Variants in NEU4 observed in about 807,000 individuals in gnomAD.
NEU4 encodes neuraminidase 4.
NEU4 carries 7 observed loss-of-function variants against 9.9 expected under a neutral mutation model. The ratio of observed to expected loss-of-function variants is 0.71; its 90% CI spans 0.40 to 1.33. The LOEUF is 1.33. Ranked by LOEUF, NEU4 falls within the 40% of genes most tolerant of loss-of-function variation. The probability of loss-of-function intolerance (pLI) is 0.01; values close to 1 mark genes in which losing one functional copy is unlikely to be tolerated. For synonymous variants in NEU4, 348 were observed against 316.9 expected (o/e 1.10, Z -1.04); for missense variants, 717 against 712.6 (o/e 1.01, Z -0.07).
intron 1 of NEU4, chr2:241,811,197 C>A: frequency 1.1e-5 from 13 of 1,234,986 alleles, no homozygotes; most frequent in Non-Finnish European, 1.2e-5. Context: ...TCCTCAGCAC[C>A]CCAGTGTTGA....
rs1251409144 is a variant in NEU4, at chr2:241,817,136, G to A, written c.*88G>A. On this transcript the variant is annotated 3_prime_UTR_variant, in exon 4 of 4. Coordinates refer to ENST00000407683, the MANE Select transcript of NEU4 (RefSeq NM_001167600.3). ...GGTGCCCCACGATAGCTGTGGGGGG[G>A]GCTCTTAGTGCAGGATCCTGTGGAT... 5.9e-6 allele frequency: 8 copies of A among 1,344,796 alleles called. No individual in the cohort carries two copies. Among genetic ancestry groups the A allele is most frequent in the Admixed American group, 5.7e-5 (2 of 35,348 alleles). The allele number at this position is 1,344,796 out of a possible 1,614,324, so 83.3% of individuals were successfully genotyped here.
intron 1 of NEU4, chr2:241,810,873 AGTCCTGCACGG>A (rs1700092748): frequency 2.2e-6 from 2 of 911,552 alleles, no homozygotes; most frequent in Admixed American, 1.8e-4. Context: ...GACTGGCAGG[AGTCCTGCACGG>A]CAGCTGTGCT....
At position 241,816,379 on chromosome 2, in the gene NEU4, C is replaced by A. The variant is rs189778979; in HGVS notation, c.786C>A (p.Pro262=). ...LSTDEGTSFL[P]AERVASLPET... ...CTGACGAGGGCACCTCCTTCCTGCC[C>A]GCAGAGCGCGTGGCTTCCCTGCCCG... Residue 262 remains proline, a synonymous_variant, in exon 4 of 4, where the codon CCC becomes CCA. Transcript: ENST00000407683. The A allele has an allele frequency of 1.3e-6, 2 of 1,595,022 alleles. No individual in the cohort carries two copies. The highest frequency in any genetic ancestry group is 1.1e-5 in the South Asian group (1 of 88,858).
At chr2:241,815,547 A>T (rs1559430541) in intron 3 of NEU4, 1 of 501,212 alleles carries the variant, frequency 2.0e-6, no homozygotes, top group South Asian at 1.5e-5. Context: ...GCAGAGGAGA[A>T]GGCTGGACGC....
intron 1 of NEU4, among the ~76,000 whole-genome samples, chr2:241,812,854 A>G (rs947571058): frequency 6.6e-6 from 1 of 152,026 alleles, no homozygotes; most frequent in Admixed American, 6.5e-5. Flanking sequence ...GGGGGTGCTG[A>G]CACCTGCTCC....
Position 241,815,154 on chromosome 2 carries a change from G to A in NEU4, c.457+7G>A, listed in dbSNP as rs766676600. ...ATCGGTGGTGCCGTGCAGGGTAGGC[G>A]GGCAGGGTGCCGGTCTGGGTCCCTT... On this transcript the variant is annotated splice_region_variant and intron_variant, in intron 3 of 3. Coordinates refer to ENST00000407683, the MANE Select transcript of NEU4 (RefSeq NM_001167600.3). The A allele has an allele frequency of 5.7e-5, 87 of 1,536,484 alleles. No individual in the cohort carries two copies. Among genetic ancestry groups the A allele is most frequent in the Non-Finnish European group, 6.8e-5 (78 of 1,143,304 alleles).
chr2:241,811,671 G>A (rs571791494), intron 1 of NEU4: 2 of 406,714 alleles, frequency 4.9e-6, no homozygotes, highest in Admixed American at 8.8e-5. Flanking sequence ...TCCAGCAAGA[G>A]GTCCCACATG....
At chr2:241,815,682 T>A in intron 3 of NEU4, 10 of 488,406 alleles carry the variant, frequency 2.0e-5, no homozygotes, top group East Asian at 4.8e-5. Flanking sequence ...CTCCACCCCA[T>A]CCTCTGTGGC....
intron 3 of NEU4, chr2:241,815,381 C>T: frequency 1.8e-6 from 1 of 547,146 alleles, no homozygotes; most frequent in South Asian, 2.1e-5. Context: ...CTGTTCTGCG[C>T]CTCCCGTCCC....
intron 1 of NEU4, 63 bp from the exon 2 acceptor site, chr2:241,814,419 G>A (rs577888635): frequency 4.0e-6 from 6 of 1,512,200 alleles, no homozygotes; most frequent in Admixed American, 1.7e-5. Context: ...AGTCCAGACC[G>A]GGAGCGAGTG....
rs2293764 is a variant in NEU4, at chr2:241,816,853, C to G, written c.1260C>G (p.Ser420=). 3 of 1,611,378 alleles carry G rather than the reference C, an allele frequency of 1.9e-6. No individual in the cohort carries two copies. Among genetic ancestry groups the G allele is most frequent in the African/African-American group, 2.7e-5 (2 of 74,906 alleles). ...TCTACGAGGGCCCCAGCGGCTACTC[C>G]GACCTGGCGTCCATCGGGCCGGCCC... The part of the protein sequence containing the change: ...WVIYEGPSGY[S]DLASIGPAPE... Residue 420 remains serine, a synonymous_variant, in exon 4 of 4, where the codon TCC becomes TCG. Transcript: ENST00000407683.
chr2:241,813,186 C>T (rs546496464), intron 1 of NEU4: 36 of 323,120 alleles, frequency 1.1e-4, no homozygotes, highest in African/African-American at 2.5e-4. Flanking sequence ...GGGTTTTACA[C>T]GAGTGTTGCG....
Position 241,816,568 on chromosome 2 carries a change from T to C in NEU4, c.975T>C (p.Arg325=). 6.2e-7 allele frequency: 1 copy of C among 1,608,198 alleles called. No individual in the cohort carries two copies. The highest frequency in any genetic ancestry group is 1.1e-5 in the South Asian group (1 of 90,556). The change falls in exon 4 of 4, where the codon CGT becomes CGC. Residue 325 remains arginine, a synonymous_variant. Coordinates refer to ENST00000407683, the MANE Select transcript of NEU4 (RefSeq NM_001167600.3). ...EPPEEAAVDP[R]GGQVPGGPFS... The stretch of plus-strand genomic sequence containing the variant: ...CAGAGGAGGCTGCTGTAGACCCCCG[T>C]GGAGGCCAGGTGCCTGGTGGGCCCT...
chr2:241,816,188 G>A lies in NEU4; in HGVS notation c.595G>A (p.Ala199Thr), dbSNP rs377551488. 20 of 1,612,492 alleles carry A rather than the reference G, an allele frequency of 1.2e-5. No homozygotes were observed. The Middle Eastern group carries it at 4.9e-4, about 40-fold the overall frequency. The change falls in exon 4 of 4, where the codon GCC (alanine) becomes ACC (threonine). Residue 199 changes from alanine (A) to threonine (T), a missense_variant. By Grantham distance (58) the Ala-to-Thr change is moderately conservative. Coordinates refer to ENST00000407683, the MANE Select transcript of NEU4 (RefSeq NM_001167600.3). ...KICRTSPHSF[A>T]FYSDDHGRTW... ...CTGCCGGACCAGCCCTCACTCCTTCGCCTTCTACAGCGATGACCACGGCCG... is the reference window on the plus strand; with the variant it reads ...CTGCCGGACCAGCCCTCACTCCTTCACCTTCTACAGCGATGACCACGGCCG...
chr2:241,815,674 C>T lies in NEU4; in HGVS notation c.458-377C>T, dbSNP rs1700301355. ...CCAGGCCTCACCCACAACTTTCCCT[C>T]CACCCCATCCTCTGTGGCCACCTGA... On this transcript the variant is annotated intron_variant, in intron 3 of 3. Transcript: ENST00000407683. 9.5e-6 allele frequency: 5 copies of T among 524,998 alleles called. 1 individual carries two copies. The highest frequency in any genetic ancestry group is 8.9e-5 in the South Asian group (5 of 56,372). The allele number at this position is 524,998 out of a possible 1,614,324, so 32.5% of individuals were successfully genotyped here. A position where few individuals can be genotyped will look rare whatever the true frequency, so the allele number is the denominator to read the frequency against.
At position 241,814,985 on chromosome 2, in the gene NEU4, T is replaced by C; in HGVS notation, c.295T>C (p.Phe99Leu). 6.2e-7 allele frequency: 1 copy of C among 1,609,734 alleles called. No individual in the cohort carries two copies. Residue 99 changes from phenylalanine (F) to leucine (L), a missense_variant, in exon 3 of 4, where the codon TTC (phenylalanine) becomes CTC (leucine). Coordinates refer to ENST00000407683, the MANE Select transcript of NEU4 (RefSeq NM_001167600.3). ...PVHDAGTGTV[F>L]LFFIAVLGHT... ...GCACGATGCTGGCACGGGCACCGTC[T>C]TCCTCTTCTTCATCGCGGTGCTGGG...
At chr2:241,812,580 G>GAGGCT (rs1700164977) in intron 1 of NEU4, among the ~76,000 whole-genome samples, 5 of 31,676 alleles carry the variant, frequency 1.6e-4, no homozygotes, top group Non-Finnish European at 2.0e-4. Flanking sequence ...ACTGAGCACG[G>GAGGCT]CTGGTCCCCC....
intron 1 of NEU4, chr2:241,814,002 T>C (rs1426360237): frequency 3.0e-6 from 1 of 337,346 alleles, no homozygotes; most frequent in Admixed American, 4.3e-5. Context: ...TCTTTGTGTC[T>C]CTGCTGTGGC....
In NEU4 at chr2:241,815,095, G is replaced by A. The variant is rs367892217; in HGVS notation, c.405G>A (p.Ser135=). Residue 135 remains serine (S), a synonymous_variant, in exon 3 of 4, where the codon TCG becomes TCA. Coordinates refer to ENST00000407683, the MANE Select transcript of NEU4 (RefSeq NM_001167600.3). ...CCVASRDAGL[S]WGSARDLTEE... is the part of the protein sequence containing the mutation. ...TGGCCAGCCGTGACGCCGGCCTCTC[G>A]TGGGGCAGCGCCCGGGACCTCACCG... 1.5e-4 allele frequency: 229 copies of A among 1,578,902 alleles called. 1 individual carries two copies. The African/African-American group carries it at 2.7e-3, about 18-fold the overall frequency.
Sources: gnomAD v4.1 joint callset for allele counts (sites outside exome capture counted in the v4.1 genomes callset) on GRCh38, gnomAD v4.1.1 for gene constraint, MANE v1.5 for transcripts, NCBI Gene and HGNC (gene_info 2026-07-23, HGNC 2026-07-21) for gene names.